Variants in NHERF2 observed in about 807,000 individuals in gnomAD.
NHERF2 encodes the protein NHERF family PDZ scaffold protein 2, also known as Na(+)/H(+) exchange regulatory cofactor NHE-RF2.
the NHERF2 span, chr16:2,037,927 C>A: frequency 6.2e-7 from 1 of 1,613,216 alleles, no homozygotes; most frequent in Non-Finnish European, 8.5e-7. Context: ...TGCGAGTCAA[C>A]AAGCGCGCGC....
At chr16:2,028,512 A>G in the NHERF2 span, among the ~76,000 whole-genome samples, 3 of 152,216 alleles carry the variant, frequency 2.0e-5, no homozygotes, top group South Asian at 2.1e-4. Flanking sequence ...CAGGAGGGCA[A>G]GAGGGGCAGT....
the NHERF2 span, chr16:2,038,229 GAGAGAGAGAGACAC>G: frequency 8.5e-6 from 5 of 589,680 alleles, no homozygotes; most frequent in Non-Finnish European, 1.5e-5. Flanking sequence ...GACAGAGAGA[GAGAGAGAGAGACAC>G]AGAGAGAGAC....
chr16:2,029,722 C>T, the NHERF2 span: 1 of 1,556,884 alleles, frequency 6.4e-7, no homozygotes, highest in East Asian at 2.4e-5. Flanking sequence ...CCCACGACCC[C>T]TGGGAGCCGA....
the NHERF2 span, chr16:2,033,490 CG>C: frequency 1.3e-6 from 2 of 1,482,004 alleles, no homozygotes; most frequent in Non-Finnish European, 1.8e-6. Flanking sequence ...CTCAGCCTCC[CG>C]GGGTGGAAGG....
the NHERF2 span, chr16:2,029,490 C>G: frequency 8.0e-7 from 1 of 1,246,466 alleles, no homozygotes; most frequent in Non-Finnish European, 1.1e-6. Context: ...GCCGCCTGTC[C>G]GCACGCCTGG....
chr16:2,038,154 G>T, the NHERF2 span: 1 of 761,386 alleles, frequency 1.3e-6, no homozygotes, highest in Non-Finnish European at 2.1e-6. Context: ...ACCAGGTACT[G>T]GGGGCCTGTG....
chr16:2,037,535 C>G, the NHERF2 span: 1 of 1,610,186 alleles, frequency 6.2e-7, no homozygotes, highest in South Asian at 1.1e-5. Flanking sequence ...CTTGGTTTCC[C>G]AGCTCAATGG....
the NHERF2 span, among the ~76,000 whole-genome samples, chr16:2,028,167 T>C: frequency 6.6e-6 from 1 of 152,236 alleles, no homozygotes; most frequent in Non-Finnish European, 1.5e-5. Context: ...CCTGTCTACA[T>C]GGCTGGTCCT....
the NHERF2 span, chr16:2,037,686 G>T: frequency 1.2e-5 from 18 of 1,563,794 alleles, no homozygotes; most frequent in Non-Finnish European, 1.4e-5. Context: ...AGCCCGGGCA[G>T]TGGGGTCTCT....
chr16:2,029,727 A>T, the NHERF2 span: 1 of 831,948 alleles, frequency 1.2e-6, no homozygotes, highest in Non-Finnish European at 1.8e-6. Context: ...GACCCCTGGG[A>T]GCCGAAGCCA....
the NHERF2 span, among the ~76,000 whole-genome samples, chr16:2,027,858 T>C: frequency 6.6e-6 from 1 of 152,222 alleles, no homozygotes; most frequent in Non-Finnish European, 1.5e-5. Context: ...TGTACTCTAG[T>C]GTGTCCCAGC....
the NHERF2 span, chr16:2,036,329 C>T: frequency 1.9e-6 from 3 of 1,607,308 alleles, no homozygotes; most frequent in African/African-American, 1.3e-5. Flanking sequence ...TGCAGGATGT[C>T]AGTGGGCCCC....
the NHERF2 span, chr16:2,036,676 G>A: frequency 1.5e-4 from 234 of 1,598,320 alleles, no homozygotes; most frequent in East Asian, 2.2e-3. Context: ...GCCACGCGGC[G>A]TTGGGGGCTG....
At chr16:2,038,034 T>G in the NHERF2 span, 158 of 1,599,638 alleles carry the variant, frequency 9.9e-5, no homozygotes, top group Admixed American at 2.9e-4. Context: ...GCACGGACCT[T>G]GGGCCTCAGC....
chr16:2,037,106 C>A, the NHERF2 span: 1 of 1,332,824 alleles, frequency 7.5e-7, no homozygotes, highest in South Asian at 1.3e-5. Context: ...GCTAGTGACA[C>A]CCGATTTTAG....
the NHERF2 span, among the ~76,000 whole-genome samples, chr16:2,032,410 C>T: frequency 6.6e-6 from 1 of 152,230 alleles, no homozygotes; most frequent in Non-Finnish European, 1.5e-5. The surrounding 1 kb of genome is among the most constrained non-coding windows in gnomAD (Gnocchi z 4.0). Context: ...CAGATCCTGC[C>T]CTTCTCAGCC....
At chr16:2,030,413 G>A in the NHERF2 span, among the ~76,000 whole-genome samples, 1 of 152,122 alleles carries the variant, frequency 6.6e-6, no homozygotes, top group Non-Finnish European at 1.5e-5. Context: ...CTGGACTCCT[G>A]CTGGGTAGTA....
the NHERF2 span, chr16:2,026,931 G>T: frequency 1.9e-6 from 1 of 528,958 alleles, no homozygotes; most frequent in South Asian, 7.6e-5. Context: ...AGCCACCGCC[G>T]GGTGCCCAGC....
At chr16:2,036,653 G>A in the NHERF2 span, 3 of 1,576,242 alleles carry the variant, frequency 1.9e-6, no homozygotes, top group Admixed American at 1.7e-5. Context: ...ATGAATATTT[G>A]ATGCCACACC....
Sources: gnomAD v4.1 joint callset for allele counts (sites outside exome capture counted in the v4.1 genomes callset) on GRCh38, gnomAD v4.1.1 for gene constraint, Gnocchi (gnomAD v3.1) non-coding constraint, MANE v1.5 for transcripts, NCBI Gene and HGNC (gene_info 2026-07-23, HGNC 2026-07-21) for gene names.